Variants in MMRN2 observed in about 807,000 individuals in gnomAD.
The protein encoded by MMRN2 is multimerin-2.
Under a neutral mutation model 68.8 loss-of-function variants are expected in MMRN2, and 53 were observed. The observed-to-expected ratio is 0.77, with a 90% CI of 0.62 to 0.97. The LOEUF (loss-of-function observed/expected upper bound fraction) is 0.97, where lower values mean the gene tolerates loss of function less well. MMRN2 is among the 50% of genes least tolerant of loss of function. The pLI, the probability that MMRN2 is intolerant of heterozygous loss-of-function variation, is 0.00. For synonymous variants in MMRN2, 564 were observed against 551.6 expected (o/e 1.02, Z -0.32); for missense variants, 1,266 against 1,259.5 (o/e 1.01, Z -0.08).
At chr10:86,939,634 G>C (rs969071868) in intron 6 of MMRN2, among the ~76,000 whole-genome samples, 2 of 152,084 alleles carry the variant, frequency 1.3e-5, no homozygotes, top group Non-Finnish European at 2.9e-5. Flanking sequence ...CGTTCCGTCC[G>C]GGCGCCTGCG....
chr10:86,945,535 C>T, intron 2 of MMRN2, 26 bp downstream of exon 2: 1 of 1,570,488 alleles, frequency 6.4e-7, no homozygotes, highest in East Asian at 2.3e-5. Flanking sequence ...CAGGCCTGGG[C>T]AAATGGCCCA....
chr10:86,942,794 C>A lies in MMRN2; in HGVS notation c.1990G>T (p.Ala664Ser), dbSNP rs1294485262. The A allele has an allele frequency of 1.5e-6, 2 of 1,360,990 alleles. No individual in the cohort carries two copies. The highest frequency in any genetic ancestry group is 7.0e-5 in the Admixed American group (2 of 28,510). 84.3% of individuals were successfully genotyped at this position (1,360,990 alleles called of 1,614,324 possible). A position where few individuals can be genotyped will look rare whatever the true frequency, so the allele number is the denominator to read the frequency against. The change falls in exon 6 of 7, where the codon GCC (alanine) becomes TCC (serine). Residue 664 changes from alanine (A) to serine (S), a missense_variant. Physicochemically the swap from Ala to Ser is moderately conservative, Grantham distance 99. Transcript: ENST00000372027. ...GWDELAARVT[A>S]LEQASEPPRP... The stretch of plus-strand genomic sequence containing the variant: ...GGGGGCTCCGAGGCCTGCTCCAGGG[C>A]CGTCACTCGGGCGGCCAGCTCGTCC...
chr10:86,944,459 G>A (rs535682532), intron 4 of MMRN2, 24 bp from the exon 5 acceptor site: 28 of 1,611,928 alleles, frequency 1.7e-5, no homozygotes, highest in East Asian at 6.7e-5. Flanking sequence ...AGACATAAAT[G>A]TCAAGGGCTA....
In MMRN2 at chr10:86,944,087, C is replaced by G; in HGVS notation, c.697G>C (p.Val233Leu). The G allele has an allele frequency of 6.2e-7, 1 of 1,614,040 alleles. No individual in the cohort carries two copies. The highest frequency in any genetic ancestry group is 8.5e-7 in the Non-Finnish European group (1 of 1,180,002). Residue 233 changes from valine (V) to leucine (L), a missense_variant, in exon 6 of 7, where the codon GTG (valine) becomes CTG (leucine). By Grantham distance (32) the Val-to-Leu change is conservative. Transcript: ENST00000372027. ...RSLEQVLLPHVDTFLQVHFSP... is the reference protein window; with the variant it reads ...RSLEQVLLPHLDTFLQVHFSP... Reference sequence around the variant, plus strand: ...AAATGCACTTGTAGGAAGGTGTCCACGTGGGGTAGCAGCACCTGCTCCAAG... The same window carrying G: ...AAATGCACTTGTAGGAAGGTGTCCAGGTGGGGTAGCAGCACCTGCTCCAAG...
At position 86,957,428 on chromosome 10, in the gene MMRN2, A is replaced by G; in HGVS notation, c.114T>C (p.Pro38=). 6.2e-7 allele frequency: 1 copy of G among 1,613,784 alleles called. No homozygotes were observed. ...CCTCAGCCTCTGCCTTCCAGACCCC[A>G]GGTGTCCTGGAGCTCTGCAGATCAG... ...SLSDLQSSRT[P]GVWKAEAEDT... The change falls in exon 1 of 7, where the codon CCT becomes CCC. Residue 38 remains proline (P), a synonymous_variant. Coordinates refer to ENST00000372027, the MANE Select transcript of MMRN2 (RefSeq NM_024756.3).
Position 86,943,790 on chromosome 10 carries a change from C to T in MMRN2, c.994G>A (p.Asp332Asn), listed in dbSNP as rs749102637. ...LHRSISELQA[D>N]VDTKLKRLHK... Reference sequence around the variant, plus strand: ...AGCCTCTTCAATTTGGTGTCCACATCGGCTTGGAGCTCTGAGATCGAGCGG... The same window carrying T: ...AGCCTCTTCAATTTGGTGTCCACATTGGCTTGGAGCTCTGAGATCGAGCGG... The change falls in exon 6 of 7, where the codon GAT becomes AAT. Residue 332 changes from aspartate to asparagine, a missense_variant. Transcript: ENST00000372027. This position sits in a 1 kb window ranked among gnomAD's most constrained non-coding sequence, Gnocchi z 4.2. The T allele has an allele frequency of 4.4e-5, 70 of 1,609,124 alleles. 3 individuals carry two copies. The South Asian group carries it at 5.5e-4, about 13-fold the overall frequency.
intron 1 of MMRN2, among the ~76,000 whole-genome samples, chr10:86,946,093 A>G (rs1296907864): frequency 6.6e-6 from 1 of 152,214 alleles, no homozygotes; most frequent in Admixed American, 6.5e-5. Flanking sequence ...AGAGCCAGAA[A>G]GCTCTCGCTG....
Position 86,943,223 on chromosome 10 carries a change from T to G in MMRN2, c.1561A>C (p.Ser521Arg). 6.2e-7 allele frequency: 1 copy of G among 1,610,552 alleles called. No homozygotes were observed. The highest frequency in any genetic ancestry group is 8.5e-7 in the Non-Finnish European group (1 of 1,178,008). ...TCCAGCTGCCGCCGCTCGTCCAGGC[T>G]CACCTGGGTCTCCTCCAGGGCACGC... ...ATRALEETQV[S>R]LDERRQLDGS... Residue 521 changes from serine (S) to arginine (R), a missense_variant, in exon 6 of 7, where the codon AGC becomes CGC. Transcript: ENST00000372027. The surrounding 1 kb of genome is among the most constrained non-coding windows in gnomAD (Gnocchi z 4.2).
At chr10:86,940,720 C>A (rs1454274215) in intron 6 of MMRN2, among the ~76,000 whole-genome samples, 2 of 152,184 alleles carry the variant, frequency 1.3e-5, no homozygotes, top group African/African-American at 4.8e-5. Context: ...TGGGACGGGA[C>A]CTTCAACAAG....
rs756753246 is a variant in MMRN2 at position 86,942,562 on chromosome 10, T to C, written c.2222A>G (p.Gln741Arg). 2 of 1,613,022 alleles carry C rather than the reference T, an allele frequency of 1.2e-6. No individual in the cohort carries two copies. Among genetic ancestry groups the C allele is most frequent in the Admixed American group, 3.3e-5 (2 of 60,020 alleles). ...HGLHNALFAT[Q>R]RSLEQHQRLF... ...CCGCTGGTGCTGCTCCAAGCTGCGC[T>C]GAGTGGCGAAGAGTGCGTTGTGGAG... The change falls in exon 6 of 7, where the codon CAG becomes CGG. Residue 741 changes from glutamine to arginine, a missense_variant. Physicochemically the swap from Gln to Arg is conservative, Grantham distance 43 (BLOSUM62 1). Transcript: ENST00000372027.
Position 86,944,275 on chromosome 10 carries a change from A to G in MMRN2, c.642T>C (p.Asn214=). The part of the protein sequence containing the change: ...GNLTAAVMEA[N]QTGHEFPDRS... ...CCTGCCACTCACCGTGCCCTGTTTG[A>G]TTTGCTTCCATCACTGCAGCTGTGA... The change falls in exon 5 of 7, where the codon AAT becomes AAC. Residue 214 remains asparagine, a synonymous_variant. Coordinates refer to ENST00000372027, the MANE Select transcript of MMRN2 (RefSeq NM_024756.3). 1 of 1,607,734 alleles carries G rather than the reference A, an allele frequency of 6.2e-7. No individual in the cohort carries two copies. Among genetic ancestry groups the G allele is most frequent in the Non-Finnish European group, 8.5e-7 (1 of 1,175,546 alleles).
chr10:86,938,191 C>T (rs988668486), intron 6 of MMRN2, among the ~76,000 whole-genome samples: 4 of 152,200 alleles, frequency 2.6e-5, no homozygotes, highest in Non-Finnish European at 5.9e-5. Context: ...ACCTCAACCC[C>T]GCAAAGTGCT....
chr10:86,943,248 C>T lies in MMRN2; in HGVS notation c.1536G>A (p.Thr512=), dbSNP rs1375575350. Residue 512 remains threonine, a synonymous_variant, in exon 6 of 7, where the codon ACG becomes ACA. Coordinates refer to ENST00000372027, the MANE Select transcript of MMRN2 (RefSeq NM_024756.3). The surrounding 1 kb of genome is among the most constrained non-coding windows in gnomAD (Gnocchi z 4.2). ...TCACCTGGGTCTCCTCCAGGGCACG[C>T]GTGGCGTCCCTCTGGCCCTCCCGGA... ...DVIREGQRDA[T]RALEETQVSL... 2.5e-6 allele frequency: 4 copies of T among 1,612,790 alleles called. No homozygotes were observed. The highest frequency in any genetic ancestry group is 3.4e-6 in the Non-Finnish European group (4 of 1,179,588).
At chr10:86,956,020 C>G (rs372254393) in intron 1 of MMRN2, among the ~76,000 whole-genome samples, 2 of 152,168 alleles carry the variant, frequency 1.3e-5, no homozygotes, top group Non-Finnish European at 2.9e-5. Context: ...TCCTCCCTCC[C>G]GTCCACCGGG....
intron 1 of MMRN2, among the ~76,000 whole-genome samples, chr10:86,954,441 G>A (rs1018895477): frequency 2.0e-5 from 3 of 152,176 alleles, no homozygotes; most frequent in African/African-American, 4.8e-5. Context: ...GTGCCTCTGC[G>A]GCACACAGAT....
At chr10:86,955,202 GC>G (rs894740857) in intron 1 of MMRN2, among the ~76,000 whole-genome samples, 1 of 152,128 alleles carries the variant, frequency 6.6e-6, no homozygotes, top group Non-Finnish European at 1.5e-5. Context: ...CTTGCCTGGG[GC>G]TCAGCACGGT....
At chr10:86,955,323 C>T (rs1338824403) in intron 1 of MMRN2, among the ~76,000 whole-genome samples, 3 of 152,214 alleles carry the variant, frequency 2.0e-5, no homozygotes, top group Admixed American at 2.0e-4. Context: ...TCCCGGAGTC[C>T]TAATGCTCAG....
At chr10:86,941,577 T>C (rs552895712) in intron 6 of MMRN2, among the ~76,000 whole-genome samples, 28 of 152,050 alleles carry the variant, frequency 1.8e-4, no homozygotes, top group South Asian at 4.2e-4. Flanking sequence ...GTGGGCAGAT[T>C]ACTTGATCCC....
intron 1 of MMRN2, among the ~76,000 whole-genome samples, chr10:86,952,911 G>A (rs1021008408): frequency 2.1e-4 from 32 of 152,042 alleles, no homozygotes; most frequent in Admixed American, 1.2e-3. Flanking sequence ...CTCCCAGAGC[G>A]GCCGTTTATA....
Sources: allele counts gnomAD v4.1 joint callset (sites outside exome capture counted in the v4.1 genomes callset), GRCh38; gene constraint gnomAD v4.1.1; non-coding constraint Gnocchi (gnomAD v3.1); transcripts MANE v1.5; gene names NCBI Gene and HGNC (gene_info 2026-07-23, HGNC 2026-07-21).